The following RABGAP1L variants were observed in gnomAD, a reference collection of about 807,000 sequenced individuals.
RABGAP1L encodes the protein rab GTPase-activating protein 1-like.
RABGAP1L carries 63 observed loss-of-function variants against 137.7 expected under a neutral mutation model. The observed-to-expected ratio is 0.46, with a 90% CI of 0.37 to 0.56. RABGAP1L has a LOEUF of 0.56. Among genes scored for constraint, RABGAP1L ranks in the 20% least tolerant of loss-of-function variants. The pLI is 0.00. For synonymous variants in RABGAP1L, 431 were observed against 433.7 expected (o/e 0.99, Z 0.08); for missense variants, 1,095 against 1,244.0 (o/e 0.88, Z 1.80).
chr1:174,924,569 C>T (rs1022353276), intron 19 of RABGAP1L, among the ~76,000 whole-genome samples: 3 of 152,036 alleles, frequency 2.0e-5, no homozygotes, highest in African/African-American at 7.2e-5. Context: ...TTGGATTCTG[C>T]TCAGATGTAT....
chr1:174,740,824 G>A (rs1683334511), intron 17 of RABGAP1L, among the ~76,000 whole-genome samples: 1 of 151,992 alleles, frequency 6.6e-6, no homozygotes, highest in South Asian at 2.1e-4. Flanking sequence ...GATTCATGAG[G>A]TTGAACATTT....
At chr1:174,241,749 T>A in intron 5 of RABGAP1L, 92 bp downstream of exon 5, 1 of 1,101,380 alleles carries the variant, frequency 9.1e-7, no homozygotes, top group Non-Finnish European at 1.3e-6. Flanking sequence ...ATATGTTACA[T>A]AAATTTGGAG....
At chr1:174,710,328 A>G (rs186659288) in intron 17 of RABGAP1L, among the ~76,000 whole-genome samples, 13 of 152,174 alleles carry the variant, frequency 8.5e-5, no homozygotes, top group East Asian at 7.7e-4. Context: ...CAGAGATACT[A>G]TTCCTTTGTG....
chr1:174,548,221 TCTAC>T, intron 13 of RABGAP1L: 1 of 1,422,276 alleles, frequency 7.0e-7, no homozygotes, highest in Non-Finnish European at 9.2e-7. Flanking sequence ...GAAAGCATAA[TCTAC>T]AGAATTGAAG....
Position 174,498,664 on chromosome 1 carries a change from A to ATT in RABGAP1L, c.1710+104536_1710+104537dup, listed in dbSNP as rs371906339. On this transcript the variant is annotated intron_variant, in intron 13 of 25. Coordinates refer to ENST00000681986, the MANE Select transcript of RABGAP1L (RefSeq NM_001366446.1). ...GGCGCATGCCACCACGCCCGGCTAA[A>ATT]TTTTTTTTTTTTTTTTTTGTATTTT... Among the ~76,000 whole-genome samples, 327 of 133,446 alleles carry ATT rather than the reference A, an allele frequency of 2.5e-3. 1 individual carries two copies. The Middle Eastern group carries it at 0.037, about 15-fold the overall frequency. The allele number at this position is 133,446 out of a possible 152,430, so 87.5% of individuals were successfully genotyped here. A position where few individuals can be genotyped will look rare whatever the true frequency, so the allele number is the denominator to read the frequency against.
At chr1:174,889,181 T>C (rs1217672175) in intron 19 of RABGAP1L, among the ~76,000 whole-genome samples, 1 of 151,794 alleles carries the variant, frequency 6.6e-6, no homozygotes. Flanking sequence ...TGGAGGGCAG[T>C]AGCATGATCT....
intron 19 of RABGAP1L, among the ~76,000 whole-genome samples, chr1:174,822,455 A>G (rs1691131469): frequency 2.0e-5 from 3 of 152,198 alleles, no homozygotes; most frequent in Non-Finnish European, 4.4e-5. Flanking sequence ...CAGGCAGAGG[A>G]AACAGGTCAG....
At chr1:174,447,507 G>T (rs1654899884) in intron 13 of RABGAP1L, among the ~76,000 whole-genome samples, 1 of 151,884 alleles carries the variant, frequency 6.6e-6, no homozygotes, top group Non-Finnish European at 1.5e-5. Context: ...GACACTCTTT[G>T]CCACAATGAA....
intron 1 of RABGAP1L, among the ~76,000 whole-genome samples, chr1:174,174,822 G>C (rs765859932): frequency 6.6e-6 from 1 of 152,112 alleles, no homozygotes; most frequent in Non-Finnish European, 1.5e-5. Flanking sequence ...ATTGGATGGT[G>C]CCTGCCCACA....
At chr1:174,887,064 C>G (rs1408852065) in intron 19 of RABGAP1L, among the ~76,000 whole-genome samples, 1 of 152,086 alleles carries the variant, frequency 6.6e-6, no homozygotes, top group East Asian at 1.9e-4. Context: ...CTTGGCCTCC[C>G]AAAGTGCTGG....
intron 13 of RABGAP1L, among the ~76,000 whole-genome samples, chr1:174,406,755 CA>C (rs1649330913): frequency 6.6e-6 from 1 of 152,094 alleles, no homozygotes; most frequent in Non-Finnish European, 1.5e-5. Context: ...ACAAAAAATA[CA>C]AAAATTAGCT....
rs1655159713 is a variant in RABGAP1L, at chr1:174,449,272, C to A, written c.1710+55127C>A. ...TATTCTAGATTCATCTGGAAATTTG[C>A]CATCAGAGAAATATTTACTTGAATA... is the stretch of plus-strand genomic sequence containing the variant. On this transcript the variant is annotated intron_variant, in intron 13 of 25. Transcript: ENST00000681986. 7 of 1,269,108 alleles carry A rather than the reference C, an allele frequency of 5.5e-6. No individual in the cohort carries two copies. In the Admixed American group the frequency reaches 1.2e-4, roughly 22 times the overall value. 78.6% of individuals were successfully genotyped at this position (1,269,108 alleles called of 1,614,324 possible). A position where few individuals can be genotyped will look rare whatever the true frequency, so the allele number is the denominator to read the frequency against.
At chr1:174,547,029 CAAAAA>C (rs375413887) in intron 13 of RABGAP1L, among the ~76,000 whole-genome samples, 122 of 78,234 alleles carry the variant, frequency 1.6e-3, no homozygotes, top group African/African-American at 6.2e-3. Context: ...GACTCTGTCT[CAAAAA>C]AAAAAAAAAA....
chr1:174,191,205 C>T (rs10912742), intron 1 of RABGAP1L, among the ~76,000 whole-genome samples: 9,548 of 152,202 alleles, frequency 0.063, 981 homozygotes, highest in African/African-American at 0.21. Flanking sequence ...TGTTTTATCT[C>T]AGGAATGTGT....
Position 174,289,620 on chromosome 1 carries a change from G to A in RABGAP1L, c.1323+10841G>A, listed in dbSNP as rs189344358. 2.5e-4 allele frequency among the ~76,000 whole-genome samples: 38 copies of A among 152,260 alleles called. 1 individual carries two copies. The East Asian group carries it at 7.1e-3, about 29-fold the overall frequency. ...TGATCACCTCTTCTAGCCTTTACAT[G>A]TTCACTTTGGCAAGGAAAGATCTTT... On this transcript the variant is annotated intron_variant, in intron 10 of 25. Coordinates refer to ENST00000681986, the MANE Select transcript of RABGAP1L (RefSeq NM_001366446.1).
chr1:174,419,069 A>T (rs2149157830), intron 13 of RABGAP1L, among the ~76,000 whole-genome samples: 1 of 152,244 alleles, frequency 6.6e-6, no homozygotes, highest in Admixed American at 6.5e-5. Context: ...AATACAATAT[A>T]AGGTACCAAT....
At chr1:174,170,418 C>T (rs1355121294) in intron 1 of RABGAP1L, among the ~76,000 whole-genome samples, 1 of 152,120 alleles carries the variant, frequency 6.6e-6, no homozygotes, top group African/African-American at 2.4e-5. Context: ...TGGCTCATGC[C>T]TGTAATCCCA....
At chr1:174,666,008 C>T (rs527972080) in intron 14 of RABGAP1L, among the ~76,000 whole-genome samples, 1 of 152,240 alleles carries the variant, frequency 6.6e-6, no homozygotes, top group African/African-American at 2.4e-5. Flanking sequence ...TTCTTTTAAA[C>T]AACTAGTATC....
intron 11 of RABGAP1L, among the ~76,000 whole-genome samples, chr1:174,314,833 T>A (rs1234040689): frequency 6.6e-6 from 1 of 152,218 alleles, no homozygotes; most frequent in Non-Finnish European, 1.5e-5. Flanking sequence ...TCTAGTTTTA[T>A]TCCACTGTGG....
Sources: gnomAD v4.1 joint callset for allele counts (sites outside exome capture counted in the v4.1 genomes callset) on GRCh38, gnomAD v4.1.1 for gene constraint, MANE v1.5 for transcripts, NCBI Gene and HGNC (gene_info 2026-07-23, HGNC 2026-07-21) for gene names.